Variants in MYO16 observed in about 807,000 individuals in gnomAD.
MYO16 encodes unconventional myosin-XVI.
A neutral mutation model predicts 205.3 loss-of-function variants in MYO16; 94 were observed. The observed-to-expected ratio is 0.46, with a 90% CI of 0.39 to 0.54. The LOEUF (loss-of-function observed/expected upper bound fraction) is 0.54, where lower values mean the gene tolerates loss of function less well. MYO16 is among the 20% of genes least tolerant of loss of function. The pLI, the probability that MYO16 is intolerant of heterozygous loss-of-function variation, is 0.00. For synonymous variants in MYO16, 988 were observed against 954.0 expected, an observed-to-expected ratio of 1.04 and a Z score of -0.66; for missense variants, 2,315 against 2,387.5, an observed-to-expected ratio of 0.97 and a Z score of 0.63.
chr13:109,101,846 A>C (rs922429180), intron 28 of MYO16: 1 of 152,244 alleles, frequency 6.6e-6, no homozygotes, highest in Non-Finnish European at 1.5e-5. Flanking sequence ...ATGAGTAAAA[A>C]TATATGATAA....
intron 27 of MYO16, among the ~76,000 whole-genome samples, chr13:109,094,185 A>G (rs1178794518): frequency 3.3e-5 from 5 of 151,914 alleles, no homozygotes; most frequent in African/African-American, 1.2e-4. Context: ...CTTTCTCCAC[A>G]TTTCTCATTT....
intron 4 of MYO16, among the ~76,000 whole-genome samples, chr13:108,771,260 G>C (rs1227996733): frequency 6.6e-6 from 1 of 152,084 alleles, no homozygotes; most frequent in East Asian, 1.9e-4. Flanking sequence ...TACGGAGAGA[G>C]AAAAACTATG....
At chr13:108,774,434 G>A (rs1384144581) in intron 4 of MYO16, among the ~76,000 whole-genome samples, 3 of 152,156 alleles carry the variant, frequency 2.0e-5, no homozygotes, top group Non-Finnish European at 4.4e-5. Context: ...ATTTGCTCAG[G>A]GCTCCCTATA....
upstream of MYO16, among the ~76,000 whole-genome samples, chr13:108,591,693 T>A (rs1053595322): frequency 6.6e-6 from 1 of 152,232 alleles, no homozygotes; most frequent in Non-Finnish European, 1.5e-5. Flanking sequence ...TTCATTTTTA[T>A]GTTAACTGTT....
At position 108,778,371 on chromosome 13, in the gene MYO16, C is replaced by T. The variant is rs149357441; in HGVS notation, c.508-7264C>T. Among the ~76,000 whole-genome samples the T allele has an allele frequency of 6.5e-3, 986 of 152,318 alleles. 9 individuals are homozygous for T. The highest frequency in any genetic ancestry group is 0.022 in the African/African-American group (923 of 41,564). ...CAGTGGCTCATGCCTGTGATCCCAA[C>T]ACTTTGGGAGGCCAAGGCAAGTGGA... On this transcript the variant is annotated intron_variant, in intron 4 of 34. Coordinates refer to ENST00000457511, the MANE Select transcript of MYO16 (RefSeq NM_001198950.3).
chr13:108,510,471 T>A, the MYO16 span, among the ~76,000 whole-genome samples: 3 of 130,558 alleles, frequency 2.3e-5, no homozygotes, highest in Non-Finnish European at 3.3e-5. Flanking sequence ...GTTTTTTTTT[T>A]TTTTTTTTTT....
At position 108,883,240 on chromosome 13, in the gene MYO16, A is replaced by C. The variant is rs1202469465; in HGVS notation, c.1553+54A>C. On this transcript the variant is annotated intron_variant, in intron 13 of 34. Coordinates refer to ENST00000457511, the MANE Select transcript of MYO16 (RefSeq NM_001198950.3). ...GCTCAGGTTTGCCACGGGGCTTGGC[A>C]GTAAAGATGTACTCATTTCCTATGG... The C allele has an allele frequency of 2.5e-6, 4 of 1,583,584 alleles. No individual in the cohort carries two copies. In the African/African-American group the frequency reaches 4.1e-5, roughly 16 times the overall value.
the MYO16 span, among the ~76,000 whole-genome samples, chr13:108,536,755 A>T: frequency 6.6e-6 from 1 of 152,140 alleles, no homozygotes; most frequent in East Asian, 1.9e-4. Flanking sequence ...GAGAAATAAG[A>T]TATGTCTATA....
At chr13:108,853,954 TTG>T (rs5806760) in intron 10 of MYO16, among the ~76,000 whole-genome samples, 44 of 138,588 alleles carry the variant, frequency 3.2e-4, no homozygotes, top group South Asian at 1.4e-3. Flanking sequence ...GTTTCTATTA[TTG>T]TGTGTGTGTG....
intron 32 of MYO16, among the ~76,000 whole-genome samples, chr13:109,150,503 T>G (rs1877598171): frequency 6.6e-6 from 1 of 152,192 alleles, no homozygotes; most frequent in Non-Finnish European, 1.5e-5. Flanking sequence ...ATGAATTGCA[T>G]GAACTGTCCT....
At chr13:108,781,592 C>T (rs1300858112) in intron 4 of MYO16, among the ~76,000 whole-genome samples, 1 of 152,170 alleles carries the variant, frequency 6.6e-6, no homozygotes, top group Non-Finnish European at 1.5e-5. Context: ...GCCCTGGCTC[C>T]CCTCTGTTCA....
intron 3 of MYO16, among the ~76,000 whole-genome samples, chr13:108,720,850 A>G (rs1884136315): frequency 6.6e-6 from 1 of 152,188 alleles, no homozygotes. Context: ...TTTGATTTGA[A>G]TCTTCAGACT....
intron 16 of MYO16, among the ~76,000 whole-genome samples, chr13:108,913,565 A>G (rs867308133): frequency 3.9e-5 from 6 of 152,314 alleles, no homozygotes; most frequent in African/African-American, 2.4e-5. Context: ...AGAAATGTAA[A>G]CCTGAATTTG....
intron 34 of MYO16, among the ~76,000 whole-genome samples, chr13:109,182,135 AG>A (rs1879485502): frequency 6.6e-6 from 1 of 152,276 alleles, no homozygotes; most frequent in Middle Eastern, 3.4e-3. Context: ...TAAAACATAA[AG>A]AATTTTTGGT....
At chr13:109,013,117 C>G (rs1594469029) in intron 22 of MYO16, among the ~76,000 whole-genome samples, 1 of 105,088 alleles carries the variant, frequency 9.5e-6, no homozygotes, top group Non-Finnish European at 2.0e-5. Context: ...CTCCCCCACC[C>G]CCCCCCACCC....
intron 20 of MYO16, among the ~76,000 whole-genome samples, chr13:108,967,481 C>A (rs1227678188): frequency 6.6e-6 from 1 of 152,166 alleles, no homozygotes; most frequent in Admixed American, 6.5e-5. Context: ...TTTGCTGGAT[C>A]AGAATCCAGT....
chr13:108,495,799 G>T, the MYO16 span, among the ~76,000 whole-genome samples: 6 of 151,542 alleles, frequency 4.0e-5, no homozygotes, highest in Non-Finnish European at 5.9e-5. Flanking sequence ...GCGCAACCGC[G>T]CCGGCCCCGG....
chr13:108,791,886 T>C (rs1284790582), intron 5 of MYO16, among the ~76,000 whole-genome samples: 2 of 151,952 alleles, frequency 1.3e-5, no homozygotes, highest in Non-Finnish European at 2.9e-5. Flanking sequence ...CAATCCAGAG[T>C]GTATTCTTGG....
intron 1 of MYO16, chr13:108,659,433 G>A (rs1006240062): frequency 2.9e-5 from 11 of 381,936 alleles, no homozygotes; most frequent in Non-Finnish European, 4.1e-5. Flanking sequence ...GTACGCACTC[G>A]CTGAGCAGGG....
Sources: gnomAD v4.1 joint callset for allele counts (sites outside exome capture counted in the v4.1 genomes callset) on GRCh38, gnomAD v4.1.1 for gene constraint, MANE v1.5 for transcripts, NCBI Gene and HGNC (gene_info 2026-07-23, HGNC 2026-07-21) for gene names.